The following WNK2 variants were observed in gnomAD, a reference collection of about 807,000 sequenced individuals.
WNK2 encodes the protein serine/threonine-protein kinase WNK2.
WNK2 carries 67 observed loss-of-function variants against 192.1 expected under a neutral mutation model. The ratio of observed to expected loss-of-function variants is 0.35; its 90% CI spans 0.29 to 0.43. The LOEUF (loss-of-function observed/expected upper bound fraction) is 0.43, where lower values mean the gene tolerates loss of function less well. Ranked by LOEUF, WNK2 falls within the 20% of genes least tolerant of loss-of-function variation. WNK2 has a pLI of 1.00. For missense variants in WNK2, 2,698 were observed against 3,089.7 expected (o/e 0.87, Z 3.01); for synonymous variants, 1,439 against 1,393.9 (o/e 1.03, Z -0.72).
rs1261074162 is a variant in WNK2, at chr9:93,239,021, A to C, written c.1322+700A>C. On this transcript the variant is annotated intron_variant, in intron 6 of 29. Transcript: ENST00000427277. This position sits in a 1 kb window ranked among gnomAD's most constrained non-coding sequence, Gnocchi z 4.2. ...CTCTGGAGCACACACAGAGGAAGCC[A>C]GGCCCCAAAGAGTGCGTGCTGTGTG... Among the ~76,000 whole-genome samples, 2 of 152,230 alleles carry C rather than the reference A, an allele frequency of 1.3e-5. No homozygotes were observed. The highest frequency in any genetic ancestry group is 4.8e-5 in the African/African-American group (2 of 41,462).
At chr9:93,215,309 C>G (rs904669773) in intron 2 of WNK2, among the ~76,000 whole-genome samples, 1 of 152,092 alleles carries the variant, frequency 6.6e-6, no homozygotes, top group African/African-American at 2.4e-5. Flanking sequence ...ACAGTTTCGT[C>G]ATGTTGGCCA....
At chr9:93,232,375 T>C (rs1214812693) in intron 4 of WNK2, among the ~76,000 whole-genome samples, 1 of 151,728 alleles carries the variant, frequency 6.6e-6, no homozygotes, top group Non-Finnish European at 1.5e-5. Flanking sequence ...GTGAAATGGG[T>C]ATATAGGTGA....
intron 19 of WNK2, among the ~76,000 whole-genome samples, chr9:93,276,248 T>G (rs1230398330): frequency 1.3e-5 from 2 of 152,204 alleles, no homozygotes; most frequent in Admixed American, 1.3e-4. Flanking sequence ...AAGGGATTGG[T>G]ACACACATCG....
At chr9:93,248,875 C>T (rs1408425302) in intron 8 of WNK2, among the ~76,000 whole-genome samples, 1 of 152,178 alleles carries the variant, frequency 6.6e-6, no homozygotes, top group Non-Finnish European at 1.5e-5. Flanking sequence ...AGCCAAGGGA[C>T]CTGCCCGGGC....
At chr9:93,268,983 G>T in intron 19 of WNK2, 1 of 1,540,632 alleles carries the variant, frequency 6.5e-7, no homozygotes. Context: ...CACCAAGTAG[G>T]TGGCTCGCAT....
In WNK2 at chr9:93,239,543, A is replaced by T. The variant is rs1294904312; in HGVS notation, c.1323-214A>T. 6.6e-6 allele frequency among the ~76,000 whole-genome samples: 1 copy of T among 151,744 alleles called. No homozygotes were observed. Among genetic ancestry groups the T allele is most frequent in the Admixed American group, 6.5e-5 (1 of 15,270 alleles). ...GAGCATGTTTTTTTTTTTTATAATG[A>T]GGGGGAATAAAGGAAGTCTTAAAAC... On this transcript the variant is annotated intron_variant, in intron 6 of 29. Transcript: ENST00000427277. The surrounding 1 kb of genome is among the most constrained non-coding windows in gnomAD (Gnocchi z 4.2).
intron 2 of WNK2, among the ~76,000 whole-genome samples, chr9:93,200,218 C>T (rs1377622325): frequency 6.6e-6 from 1 of 152,120 alleles, no homozygotes; most frequent in Non-Finnish European, 1.5e-5. Context: ...TATCGGGGGG[C>T]CTCCTCGAGG....
At position 93,259,428 on chromosome 9, in the gene WNK2, C is replaced by G; in HGVS notation, c.2880C>G (p.Pro960=). Residue 960 remains proline, a synonymous_variant, in exon 12 of 30, where the codon CCC becomes CCG. Coordinates refer to ENST00000427277, the MANE Select transcript of WNK2 (RefSeq NM_006648.4). The surrounding 1 kb of genome is among the most constrained non-coding windows in gnomAD (Gnocchi z 4.8). ...CACAACCCGTGCTGCCCCCGCAACCCACGCTGCCCCCTCAACCTGTGTTGC... is the reference window on the plus strand; with the variant it reads ...CACAACCCGTGCTGCCCCCGCAACCGACGCTGCCCCCTCAACCTGTGTTGC... ...LPPQPVLPPQ[P]TLPPQPVLPP... is the part of the protein sequence containing the mutation. 6.5e-7 allele frequency: 1 copy of G among 1,540,050 alleles called. No homozygotes were observed. The highest frequency in any genetic ancestry group is 8.8e-7 in the Non-Finnish European group (1 of 1,138,148).
At chr9:93,246,112 A>G (rs1222922773) in intron 7 of WNK2, among the ~76,000 whole-genome samples, 1 of 152,194 alleles carries the variant, frequency 6.6e-6, no homozygotes, top group Non-Finnish European at 1.5e-5. Context: ...TGCAAAATGC[A>G]TGTCAGAGTC....
At chr9:93,294,185 C>G (rs1471399603) in intron 23 of WNK2, among the ~76,000 whole-genome samples, 1 of 152,098 alleles carries the variant, frequency 6.6e-6, no homozygotes, top group African/African-American at 2.4e-5. Context: ...CCTGCGAGCC[C>G]TCTCTGCACA....
intron 8 of WNK2, among the ~76,000 whole-genome samples, chr9:93,249,115 A>T (rs1842181822): frequency 6.6e-6 from 1 of 152,224 alleles, no homozygotes; most frequent in African/African-American, 2.4e-5. Flanking sequence ...TTTCTGATAC[A>T]TCTAAAAAAT....
intron 9 of WNK2, among the ~76,000 whole-genome samples, chr9:93,254,108 G>A (rs1208876490): frequency 6.6e-6 from 1 of 152,170 alleles, no homozygotes; most frequent in African/African-American, 2.4e-5. Context: ...GTAGACACCA[G>A]GTTTCACCAT....
chr9:93,187,654 C>T (rs1829577443), intron 2 of WNK2, among the ~76,000 whole-genome samples: 1 of 152,108 alleles, frequency 6.6e-6, no homozygotes, highest in Non-Finnish European at 1.5e-5. Flanking sequence ...GGGGAACAAC[C>T]CCCAAGGTCA....
chr9:93,263,445 C>A, intron 14 of WNK2, 121 bp from the exon 15 acceptor site: 2 of 1,301,922 alleles, frequency 1.5e-6, no homozygotes, highest in Non-Finnish European at 1.1e-6. Flanking sequence ...CGGGCTGCCT[C>A]TGTAGGTCAC....
At chr9:93,299,940 C>G (rs568281034) in intron 25 of WNK2, 111 bp from the exon 26 acceptor site, 1 of 803,694 alleles carries the variant, frequency 1.2e-6, no homozygotes, top group African/African-American at 1.7e-5. Context: ...TAGATGGAGC[C>G]GTGGATGTTA....
intron 4 of WNK2, 52 bp from the exon 5 acceptor site, chr9:93,234,756 C>T: frequency 6.3e-7 from 1 of 1,579,026 alleles, no homozygotes; most frequent in Non-Finnish European, 8.6e-7. Flanking sequence ...GGCTCCAGCT[C>T]TTCCTGGGCC....
chr9:93,262,494 T>C (rs1331155691), intron 13 of WNK2, among the ~76,000 whole-genome samples, 176 bp from the exon 14 acceptor site: 1 of 152,190 alleles, frequency 6.6e-6, no homozygotes, highest in Admixed American at 6.5e-5. Flanking sequence ...CTATGCCTGC[T>C]CCCATTGTGA....
At chr9:93,288,332 A>G (rs1481766571) in intron 19 of WNK2, among the ~76,000 whole-genome samples, 1 of 152,224 alleles carries the variant, frequency 6.6e-6, no homozygotes, top group Admixed American at 6.5e-5. Flanking sequence ...GGAAGTGTGT[A>G]CAGCTCACTA....
chr9:93,316,988 T>C, intron 28 of WNK2: 1 of 170,792 alleles, frequency 5.9e-6, no homozygotes. Context: ...GAGGAGTGAC[T>C]CCCCGTGGCC....
Sources: gnomAD v4.1 joint callset for allele counts (sites outside exome capture counted in the v4.1 genomes callset) on GRCh38, gnomAD v4.1.1 for gene constraint, Gnocchi (gnomAD v3.1) non-coding constraint, MANE v1.5 for transcripts, NCBI Gene and HGNC (gene_info 2026-07-23, HGNC 2026-07-21) for gene names.